The following VANGL2 variants were observed in gnomAD, a reference collection of about 807,000 sequenced individuals.
VANGL2 encodes vang-like protein 2.
A neutral mutation model predicts 50.2 loss-of-function variants in VANGL2; 14 were observed. That is an observed-to-expected ratio of 0.28 (90% CI 0.18 to 0.44). VANGL2 has a LOEUF of 0.44. Ranked by LOEUF, VANGL2 falls within the 20% of genes least tolerant of loss-of-function variation. The pLI, the probability that VANGL2 is intolerant of heterozygous loss-of-function variation, is 1.00. For synonymous variants in VANGL2, 295 were observed against 297.2 expected (o/e 0.99, Z 0.08); for missense variants, 533 against 701.5 (o/e 0.76, Z 2.71).
At chr1:160,415,935 G>T (rs562803503) in intron 2 of VANGL2, 27 bp downstream of exon 2, 2 of 1,614,162 alleles carry the variant, frequency 1.2e-6, no homozygotes, top group South Asian at 1.1e-5. Flanking sequence ...GGTGACATGC[G>T]TGGCGGAGGG....
In VANGL2 at chr1:160,428,169, C is replaced by T. The variant is rs1651537718; in HGVS notation, c.*2791C>T. The T allele has an allele frequency of 6.5e-6, 1 of 152,676 alleles. No individual in the cohort carries two copies. Among genetic ancestry groups the T allele is most frequent in the African/African-American group, 2.4e-5 (1 of 41,440 alleles). The allele number at this position is 152,676 out of a possible 1,614,324, so 9.5% of individuals were successfully genotyped here. ...TGATGATGTAACACCTGCGATGAGA[C>T]ATCGGACTCTCCGGAACTTTCTCAT... is the stretch of plus-strand genomic sequence containing the variant. On this transcript the variant is annotated 3_prime_UTR_variant, in exon 8 of 8. Coordinates refer to ENST00000368061, the MANE Select transcript of VANGL2 (RefSeq NM_020335.3).
intron 1 of VANGL2, among the ~76,000 whole-genome samples, chr1:160,411,867 T>C (rs983723593): frequency 1.3e-5 from 2 of 152,096 alleles, no homozygotes; most frequent in African/African-American, 4.8e-5. Context: ...CTGGTTGGTG[T>C]GTGTGTGTGT....
intron 1 of VANGL2, among the ~76,000 whole-genome samples, chr1:160,413,786 C>A (rs1045574754): frequency 6.6e-6 from 1 of 152,168 alleles, no homozygotes; most frequent in African/African-American, 2.4e-5. Flanking sequence ...TCAGCTGGAT[C>A]TGAGTTCTAT....
At chr1:160,421,497 G>A (rs1413292942) in intron 6 of VANGL2, among the ~76,000 whole-genome samples, 1 of 152,118 alleles carries the variant, frequency 6.6e-6, no homozygotes, top group Non-Finnish European at 1.5e-5. Flanking sequence ...CATTATTATG[G>A]GGAGAATTCA....
chr1:160,421,132 G>A lies in VANGL2; in HGVS notation c.1018G>A (p.Glu340Lys), dbSNP rs200278024. The A allele has an allele frequency of 1.9e-6, 3 of 1,614,132 alleles. No homozygotes were observed. The highest frequency in any genetic ancestry group is 2.5e-6 in the Non-Finnish European group (3 of 1,180,050). Residue 340 changes from glutamate (E) to lysine (K), a missense_variant, in exon 6 of 8, where the codon GAG becomes AAG. Transcript: ENST00000368061. ...AARRRDNSHN[E>K]YYYEEAEHER... ...TCGGAGGCGGGACAACAGTCACAAT[G>A]AGTACTACTATGAGGAGGCTGAGCA...
chr1:160,423,611 G>T (rs1381638751), intron 6 of VANGL2, among the ~76,000 whole-genome samples: 2 of 152,180 alleles, frequency 1.3e-5, no homozygotes, highest in African/African-American at 4.8e-5. Context: ...GTTGGTTTTA[G>T]ATGTGTATAT....
At chr1:160,418,906 C>G in intron 3 of VANGL2, 96 bp from the exon 4 acceptor site, 1 of 1,462,456 alleles carries the variant, frequency 6.8e-7, no homozygotes, top group South Asian at 1.4e-5. Flanking sequence ...GTGTTCTTCT[C>G]TGTCTCCTGT....
intron 6 of VANGL2, 55 bp from the exon 7 acceptor site, chr1:160,423,997 G>T: frequency 1.9e-6 from 3 of 1,594,164 alleles, no homozygotes; most frequent in Non-Finnish European, 2.6e-6. Context: ...GGGGAGAGGG[G>T]TGGGGTGGGG....
intron 1 of VANGL2, among the ~76,000 whole-genome samples, chr1:160,403,499 C>T (rs1650552871): frequency 6.6e-6 from 1 of 152,180 alleles, no homozygotes; most frequent in Admixed American, 6.5e-5. Flanking sequence ...TCCTCCTGAT[C>T]CTTTTAGATC....
chr1:160,415,588 C>A (rs1276763497), intron 1 of VANGL2, 60 bp from the exon 2 acceptor site: 24 of 548,888 alleles, frequency 4.4e-5, no homozygotes, highest in Non-Finnish European at 7.5e-5. Context: ...GATGGTCTTC[C>A]TCTGCCCTGA....
Position 160,425,201 on chromosome 1 carries a change from G to A in VANGL2, c.1389G>A (p.Val463=). 1 of 1,614,148 alleles carries A rather than the reference G, an allele frequency of 6.2e-7. No homozygotes were observed. The highest frequency in any genetic ancestry group is 1.1e-5 in the South Asian group (1 of 91,082). Reference sequence around the variant, plus strand: ...GGCTGGCCAAACAGTGGACATTGGTGAGCGAGGAGCCGGTGACCAACGGCC... The same window carrying A: ...GGCTGGCCAAACAGTGGACATTGGTAAGCGAGGAGCCGGTGACCAACGGCC... ...ERWLAKQWTL[V]SEEPVTNGLK... The change falls in exon 8 of 8, where the codon GTG becomes GTA. Residue 463 remains valine (V), a synonymous_variant. Transcript: ENST00000368061.
At chr1:160,416,252 C>T (rs930034092) in intron 3 of VANGL2, 70 bp downstream of exon 3, 10 of 1,610,762 alleles carry the variant, frequency 6.2e-6, no homozygotes, top group East Asian at 4.5e-5. Context: ...GGAGGCTCCA[C>T]GGAGTGGGGG....
intron 1 of VANGL2, among the ~76,000 whole-genome samples, chr1:160,413,677 C>T (rs1650962811): frequency 6.6e-6 from 1 of 152,180 alleles, no homozygotes; most frequent in Non-Finnish European, 1.5e-5. Context: ...TGGCTCCCCT[C>T]CTCCTCTGGC....
At chr1:160,411,398 C>T (rs1253952852) in intron 1 of VANGL2, among the ~76,000 whole-genome samples, 1 of 152,000 alleles carries the variant, frequency 6.6e-6, no homozygotes, top group African/African-American at 2.4e-5. Flanking sequence ...CATCCCCTCC[C>T]CCCATCTCTT....
In VANGL2 at chr1:160,420,506, C is replaced by T. The variant is rs1396598119; in HGVS notation, c.896C>T (p.Ala299Val). 1.2e-6 allele frequency: 2 copies of T among 1,614,018 alleles called. No individual in the cohort carries two copies. The highest frequency in any genetic ancestry group is 1.7e-6 in the Non-Finnish European group (2 of 1,180,040). The change falls in exon 5 of 8, where the codon GCC becomes GTC. Residue 299 changes from alanine to valine, a missense_variant. Physicochemically the swap from Ala to Val is moderately conservative, Grantham distance 64 (BLOSUM62 0). Coordinates refer to ENST00000368061, the MANE Select transcript of VANGL2 (RefSeq NM_020335.3). ...CTCAACCTGCCCAAGTCCGTCCTGGCCAAGAAAGTGTCTGGCTTCAAGGTG... is the reference window on the plus strand; with the variant it reads ...CTCAACCTGCCCAAGTCCGTCCTGGTCAAGAAAGTGTCTGGCTTCAAGGTG... Reference protein sequence around the residue: ...ALLNLPKSVLAKKVSGFKVYS... With the variant: ...ALLNLPKSVLVKKVSGFKVYS...
At chr1:160,425,091 T>C in intron 7 of VANGL2, 27 bp from the exon 8 acceptor site, 4 of 1,613,990 alleles carry the variant, frequency 2.5e-6, no homozygotes, top group African/African-American at 2.7e-5. Context: ...ACAGAGATTC[T>C]TATGCAGCCC....
chr1:160,420,578 GTC>G, intron 5 of VANGL2, 31 bp downstream of exon 5: 1 of 1,614,022 alleles, frequency 6.2e-7, no homozygotes, highest in Non-Finnish European at 8.5e-7. Flanking sequence ...GCCCTTCCCT[GTC>G]TCTTCCCAAG....
rs1370086345 is a variant in VANGL2 at position 160,419,254 on chromosome 1, T to C, written c.445T>C (p.Phe149Leu). The C allele has an allele frequency of 6.2e-7, 1 of 1,608,192 alleles. No homozygotes were observed. The highest frequency in any genetic ancestry group is 1.1e-5 in the South Asian group (1 of 91,078). The change falls in exon 4 of 8, where the codon TTC (phenylalanine) becomes CTC (leucine). Residue 149 changes from phenylalanine (F) to leucine (L), a missense_variant. Phe to Leu is a conservative substitution (Grantham distance 22). Coordinates refer to ENST00000368061, the MANE Select transcript of VANGL2 (RefSeq NM_020335.3). The surrounding 1 kb of genome is among the most constrained non-coding windows in gnomAD (Gnocchi z 5.8). The part of the protein sequence containing the change: ...EPCGTACEGL[F>L]ISVAFKLLIL... ...TTGCGGGACGGCCTGCGAGGGCCTC[T>C]TCATCTCTGTCGCCTTCAAGCTGCT... is the stretch of plus-strand genomic sequence containing the variant.
intron 1 of VANGL2, among the ~76,000 whole-genome samples, chr1:160,410,906 G>A (rs1229790590): frequency 6.6e-6 from 1 of 151,952 alleles, no homozygotes; most frequent in Non-Finnish European, 1.5e-5. Context: ...CCCTTTGGAT[G>A]CTGGGTATGG....
Sources: gnomAD v4.1 joint callset for allele counts (sites outside exome capture counted in the v4.1 genomes callset) on GRCh38, gnomAD v4.1.1 for gene constraint, Gnocchi (gnomAD v3.1) non-coding constraint, MANE v1.5 for transcripts, NCBI Gene and HGNC (gene_info 2026-07-23, HGNC 2026-07-21) for gene names.